IQCH: variants seen among roughly 807,000 people sequenced by gnomAD.
The protein encoded by IQCH is IQ motif containing H.
Under a neutral mutation model 117.0 loss-of-function variants are expected in IQCH, and 98 were observed. The observed-to-expected ratio is 0.84, with a 90% CI of 0.71 to 0.99. The LOEUF (loss-of-function observed/expected upper bound fraction) is 0.99, where lower values mean the gene tolerates loss of function less well. Among genes scored for constraint, IQCH ranks in the 50% least tolerant of loss-of-function variants. The pLI, the probability that IQCH is intolerant of heterozygous loss-of-function variation, is 0.00. For missense variants in IQCH, 1,102 were observed against 1,243.8 expected (o/e 0.89, Z 1.72); for synonymous variants, 412 against 448.2 (o/e 0.92, Z 1.02).
chr15:67,435,281 A>G (rs1318330169), intron 16 of IQCH, among the ~76,000 whole-genome samples: 3 of 151,962 alleles, frequency 2.0e-5, no homozygotes, highest in Non-Finnish European at 4.4e-5. Context: ...GGCCATTCGT[A>G]TGTCTTTAAA....
At chr15:67,485,517 A>G (rs2083449338) in intron 18 of IQCH, among the ~76,000 whole-genome samples, 1 of 152,234 alleles carries the variant, frequency 6.6e-6, no homozygotes, top group Admixed American at 6.5e-5. Context: ...AGAATTTCCT[A>G]CAACTAGTGA....
At chr15:67,478,493 TGA>T (rs1176954670) in intron 18 of IQCH, among the ~76,000 whole-genome samples, 1 of 149,250 alleles carries the variant, frequency 6.7e-6, no homozygotes, top group Non-Finnish European at 1.5e-5. Context: ...AAAGATAAAA[TGA>T]GAGAGAAGAA....
At position 67,369,512 on chromosome 15, in the gene IQCH, A is replaced by G. The variant is rs35819343; in HGVS notation, c.754-2599A>G. Among the ~76,000 whole-genome samples, 2 of 150,184 alleles carry G rather than the reference A, an allele frequency of 1.3e-5. No homozygotes were observed. Among genetic ancestry groups the G allele is most frequent in the East Asian group, 1.9e-4 (1 of 5,136 alleles). On this transcript the variant is annotated intron_variant, in intron 8 of 20. Transcript: ENST00000335894. This position sits in a 1 kb window ranked among gnomAD's most constrained non-coding sequence, Gnocchi z 5.2. ...AAGAGAAAAAGAAAAAAGAGAAAGA[A>G]GAGAGGGAAGGGGAAAGAAGGGAAG...
intron 4 of IQCH, among the ~76,000 whole-genome samples, chr15:67,327,245 T>C (rs531733511): frequency 1.3e-5 from 2 of 152,214 alleles, no homozygotes; most frequent in Non-Finnish European, 2.9e-5. Flanking sequence ...TTTTTTCAAT[T>C]ACAAGCTTTC....
chr15:67,465,301 A>G lies in IQCH; in HGVS notation c.2676+4A>G, dbSNP rs2082902974. The G allele has an allele frequency of 6.2e-7, 1 of 1,612,746 alleles. No homozygotes were observed. The highest frequency in any genetic ancestry group is 1.3e-5 in the African/African-American group (1 of 74,996). On this transcript the variant is annotated splice_donor_region_variant and intron_variant, in intron 17 of 20. Transcript: ENST00000335894. This position sits in a 1 kb window ranked among gnomAD's most constrained non-coding sequence, Gnocchi z 5.9. ...CATGAGTGCGCTGTCAATGCCGGTA[A>G]GCAAGAGGTGCTTCCTGAAGGTTCT...
At chr15:67,379,998 A>G (rs1368743516) in intron 10 of IQCH, among the ~76,000 whole-genome samples, 1 of 152,128 alleles carries the variant, frequency 6.6e-6, no homozygotes, top group African/African-American at 2.4e-5. Context: ...AATTACAGGC[A>G]TGTGCCACCA....
At chr15:67,273,423 T>G (rs1965989056) in intron 3 of IQCH, among the ~76,000 whole-genome samples, 1 of 152,184 alleles carries the variant, frequency 6.6e-6, no homozygotes, top group Non-Finnish European at 1.5e-5. Context: ...CTGTTATAGT[T>G]TTTTGCATTG....
At position 67,359,991 on chromosome 15, in the gene IQCH, C is replaced by A; in HGVS notation, c.753+106C>A. On this transcript the variant is annotated intron_variant, in intron 8 of 20. Coordinates refer to ENST00000335894, the MANE Select transcript of IQCH (RefSeq NM_001031715.3). The surrounding 1 kb of genome is among the most constrained non-coding windows in gnomAD (Gnocchi z 4.5). ...GTGACTGCTTGACAGCTGGAGATGG[C>A]AACAAAAGTTCGTGCTTCCTTTGTA... 14 of 742,112 alleles carry A rather than the reference C, an allele frequency of 1.9e-5. No individual in the cohort carries two copies. The highest frequency in any genetic ancestry group is 2.8e-5 in the East Asian group (1 of 35,750). 46.0% of individuals were successfully genotyped at this position (742,112 alleles called of 1,614,324 possible).
intron 4 of IQCH, among the ~76,000 whole-genome samples, chr15:67,297,222 C>A (rs1966857893): frequency 6.6e-6 from 1 of 152,044 alleles, no homozygotes. Flanking sequence ...AAATAATGAA[C>A]AATTACATTT....
In IQCH at chr15:67,476,605, C is replaced by CG. The variant is rs2083206375; in HGVS notation, c.2799+792dup. Among the ~76,000 whole-genome samples the CG allele has an allele frequency of 6.6e-6, 1 of 152,060 alleles. No individual in the cohort carries two copies. The highest frequency in any genetic ancestry group is 2.4e-5 in the African/African-American group (1 of 41,402). ...ACTTTTGGTCTATTTCCAATGATAC[C>CG]GGGGGCCCCTGCATAGCTGCTTTAT... On this transcript the variant is annotated intron_variant, in intron 18 of 20. Transcript: ENST00000335894. This position sits in a 1 kb window ranked among gnomAD's most constrained non-coding sequence, Gnocchi z 4.1.
rs1032032125 is a variant in IQCH at position 67,466,986 on chromosome 15, G to T, written c.2676+1689G>T. 1 of 152,762 alleles carries T rather than the reference G, an allele frequency of 6.5e-6. No homozygotes were observed. The highest frequency in any genetic ancestry group is 1.5e-5 in the Non-Finnish European group (1 of 68,532). 9.5% of individuals were successfully genotyped at this position (152,762 alleles called of 1,614,324 possible). A position where few individuals can be genotyped will look rare whatever the true frequency, so the allele number is the denominator to read the frequency against. On this transcript the variant is annotated intron_variant, in intron 17 of 20. Coordinates refer to ENST00000335894, the MANE Select transcript of IQCH (RefSeq NM_001031715.3). The surrounding 1 kb of genome is among the most constrained non-coding windows in gnomAD (Gnocchi z 4.4). The stretch of plus-strand genomic sequence containing the variant: ...CGCCTGTAATCCCAGCACTTTGGGA[G>T]GCCGAGGCGGGCAGATCATTTGAGC...
intron 3 of IQCH, among the ~76,000 whole-genome samples, chr15:67,273,215 C>T (rs1011562955): frequency 2.7e-5 from 4 of 150,834 alleles, no homozygotes; most frequent in Admixed American, 6.6e-5. Context: ...GGATTACAGG[C>T]GCCTGCCACC....
rs1186835057 is a variant in IQCH, at chr15:67,405,791, G to A, written c.2097+5486G>A. On this transcript the variant is annotated intron_variant, in intron 14 of 20. Transcript: ENST00000335894. The surrounding 1 kb of genome is among the most constrained non-coding windows in gnomAD (Gnocchi z 4.8). ...GTGACTCATACCGTGTGCTGCCCTTGTGGCAAGCTTTCTGCTTTCCAGAGA... is the reference window on the plus strand; with the variant it reads ...GTGACTCATACCGTGTGCTGCCCTTATGGCAAGCTTTCTGCTTTCCAGAGA... The A allele has an allele frequency of 6.6e-6, 1 of 152,238 alleles. No homozygotes were observed. Among genetic ancestry groups the A allele is most frequent in the Non-Finnish European group, 1.5e-5 (1 of 68,052 alleles). The allele number at this position is 152,238 out of a possible 1,614,324, so 9.4% of individuals were successfully genotyped here. A position where few individuals can be genotyped will look rare whatever the true frequency, so the allele number is the denominator to read the frequency against.
At chr15:67,270,305 A>G (rs1471914561) in intron 3 of IQCH, among the ~76,000 whole-genome samples, 1 of 152,224 alleles carries the variant, frequency 6.6e-6, no homozygotes, top group Non-Finnish European at 1.5e-5. Flanking sequence ...TCCAGATCCT[A>G]GAGGAAAGGC....
chr15:67,266,390 C>T (rs1161004691), intron 3 of IQCH, among the ~76,000 whole-genome samples: 2 of 152,122 alleles, frequency 1.3e-5, no homozygotes, highest in Non-Finnish European at 2.9e-5. Flanking sequence ...GGTGCGGTGA[C>T]TCACACCTGT....
At chr15:67,415,913 A>G (rs1447661374) in intron 14 of IQCH, among the ~76,000 whole-genome samples, 1 of 152,192 alleles carries the variant, frequency 6.6e-6, no homozygotes, top group African/African-American at 2.4e-5. Context: ...TTTTTTTAGA[A>G]TTAGCCATGC....
Position 67,403,136 on chromosome 15 carries a change from G to C in IQCH, c.2097+2831G>C, listed in dbSNP as rs1971735326. On this transcript the variant is annotated intron_variant, in intron 14 of 20. Transcript: ENST00000335894. This position sits in a 1 kb window ranked among gnomAD's most constrained non-coding sequence, Gnocchi z 4.8. ...CTGGTGGTGCATGCCTGTAGTACCAGCTACTTGGGAGGCTGAGGCAGGAGA... is the reference window on the plus strand; with the variant it reads ...CTGGTGGTGCATGCCTGTAGTACCACCTACTTGGGAGGCTGAGGCAGGAGA... Among the ~76,000 whole-genome samples the C allele has an allele frequency of 6.6e-6, 1 of 152,064 alleles. No individual in the cohort carries two copies. The highest frequency in any genetic ancestry group is 1.5e-5 in the Non-Finnish European group (1 of 68,024).
chr15:67,494,665 C>A lies in IQCH; in HGVS notation c.2970+299C>A, dbSNP rs2083756360. Among the ~76,000 whole-genome samples the A allele has an allele frequency of 6.6e-6, 1 of 152,106 alleles. No homozygotes were observed. The highest frequency in any genetic ancestry group is 2.1e-4 in the South Asian group (1 of 4,832). On this transcript the variant is annotated intron_variant, in intron 20 of 20. Coordinates refer to ENST00000335894, the MANE Select transcript of IQCH (RefSeq NM_001031715.3). This position sits in a 1 kb window ranked among gnomAD's most constrained non-coding sequence, Gnocchi z 5.5. ...GTGAGTCTGAAATGTCACAATGGAACCAAAACAGAGATCGTCACAACCAAA... is the reference window on the plus strand; with the variant it reads ...GTGAGTCTGAAATGTCACAATGGAAACAAAACAGAGATCGTCACAACCAAA...
chr15:67,377,381 CAA>C (rs955359726), intron 10 of IQCH, among the ~76,000 whole-genome samples: 10 of 151,984 alleles, frequency 6.6e-5, no homozygotes, highest in African/African-American at 2.2e-4. Flanking sequence ...ATAATTATAA[CAA>C]AATAATCTAC....
Sources: gnomAD v4.1 joint callset for allele counts (sites outside exome capture counted in the v4.1 genomes callset) on GRCh38, gnomAD v4.1.1 for gene constraint, Gnocchi (gnomAD v3.1) non-coding constraint, MANE v1.5 for transcripts, NCBI Gene and HGNC (gene_info 2026-07-23, HGNC 2026-07-21) for gene names.